Variants in NTRK3 observed in about 807,000 individuals in gnomAD.
The protein encoded by NTRK3 is neurotrophic receptor tyrosine kinase 3, also known as NT-3 growth factor receptor.
Under a neutral mutation model 91.7 loss-of-function variants are expected in NTRK3, and 24 were observed. The ratio of observed to expected loss-of-function variants is 0.26; its 90% CI spans 0.19 to 0.37. The LOEUF is 0.37. Among genes scored for constraint, NTRK3 ranks in the 10% least tolerant of loss-of-function variants. The probability of loss-of-function intolerance (pLI) is 1.00; values close to 1 mark genes in which losing one functional copy is unlikely to be tolerated. For synonymous variants in NTRK3, 483 were observed against 404.0 expected (o/e 1.20, Z -2.34); for missense variants, 880 against 1,068.9 (o/e 0.82, Z 2.46).
At chr15:88,188,348 T>G (rs2047116910) in intron 3 of NTRK3, among the ~76,000 whole-genome samples, 1 of 152,192 alleles carries the variant, frequency 6.6e-6, no homozygotes. Flanking sequence ...CCAGCAGACA[T>G]TTGACAATAT....
At chr15:88,245,781 A>G (rs1208581272) in intron 3 of NTRK3, among the ~76,000 whole-genome samples, 7 of 152,204 alleles carry the variant, frequency 4.6e-5, no homozygotes. Flanking sequence ...AAAACTGAGG[A>G]TCAACAAGGT....
chr15:88,187,714 A>T (rs2047056202), intron 3 of NTRK3, among the ~76,000 whole-genome samples: 1 of 152,096 alleles, frequency 6.6e-6, no homozygotes, highest in Non-Finnish European at 1.5e-5. Flanking sequence ...CGGGTGGATC[A>T]TTCATGGTCA....
chr15:88,104,043 A>C (rs994276185), intron 13 of NTRK3, among the ~76,000 whole-genome samples: 3 of 152,222 alleles, frequency 2.0e-5, no homozygotes, highest in African/African-American at 7.2e-5. Flanking sequence ...TCTTCCCCCA[A>C]ATAGCCAGGC....
At chr15:88,182,623 C>T (rs1221014593) in intron 5 of NTRK3, among the ~76,000 whole-genome samples, 1 of 152,202 alleles carries the variant, frequency 6.6e-6, no homozygotes, top group Non-Finnish European at 1.5e-5. Context: ...GGCCACTATC[C>T]TTGGAGTTGA....
At chr15:88,212,821 A>G (rs140829272) in intron 3 of NTRK3, among the ~76,000 whole-genome samples, 3 of 152,188 alleles carry the variant, frequency 2.0e-5, no homozygotes, top group Admixed American at 6.5e-5. Flanking sequence ...CAGAGCAAAA[A>G]TCCATCAGAC....
In NTRK3 at chr15:88,235,376, A is replaced by C. The variant is rs1441440059; in HGVS notation, c.248+20530T>G. On this transcript the variant is annotated intron_variant, in intron 3 of 18. Transcript: ENST00000394480. The surrounding 1 kb of genome is among the most constrained non-coding windows in gnomAD (Gnocchi z 5.2). ...ACGCAGTCAGTACCCTGCCGCAGAC[A>C]GTGGACACTCACTGGTCTCGGCCTT... Among the ~76,000 whole-genome samples, 1 of 152,202 alleles carries C rather than the reference A, an allele frequency of 6.6e-6. No homozygotes were observed. Among genetic ancestry groups the C allele is most frequent in the African/African-American group, 2.4e-5 (1 of 41,456 alleles).
At chr15:88,020,391 C>T (rs2077517936) in intron 14 of NTRK3, among the ~76,000 whole-genome samples, 1 of 152,150 alleles carries the variant, frequency 6.6e-6, no homozygotes, top group African/African-American at 2.4e-5. Context: ...ATCTTCATAG[C>T]TGTGGAGCCG....
At chr15:87,872,469 C>T (rs2064846438) in exon 19 of NTRK3, 1 of 227,226 alleles carries the variant, frequency 4.4e-6, no homozygotes, top group Admixed American at 5.7e-5. Flanking sequence ...TCGGTTTTGA[C>T]CCAGAGTTGA....
At chr15:87,892,113 C>CACACACACACACACAT (rs1555430907) in intron 17 of NTRK3, among the ~76,000 whole-genome samples, 11 of 151,180 alleles carry the variant, frequency 7.3e-5, no homozygotes, top group African/African-American at 2.7e-4. Context: ...CACACACACA[C>CACACACACACACACAT]GCACGCACAC....
chr15:88,053,825 C>G (rs1317951854), intron 13 of NTRK3, among the ~76,000 whole-genome samples: 1 of 152,164 alleles, frequency 6.6e-6, no homozygotes, highest in African/African-American at 2.4e-5. Context: ...AATACCTTAT[C>G]AAAATGAAAG....
At chr15:88,002,185 T>TG (rs2076155628) in intron 14 of NTRK3, among the ~76,000 whole-genome samples, 1 of 148,250 alleles carries the variant, frequency 6.7e-6, no homozygotes, top group African/African-American at 2.5e-5. Context: ...TTTTTTTTTT[T>TG]TTTTTTTTTT....
intron 13 of NTRK3, among the ~76,000 whole-genome samples, chr15:88,061,050 GT>G (rs2046169837): frequency 6.6e-6 from 1 of 150,936 alleles, no homozygotes; most frequent in Admixed American, 6.6e-5. Flanking sequence ...ATTTTTTCAG[GT>G]ACTTCATTGA....
chr15:88,000,969 T>G (rs927633440), intron 14 of NTRK3, among the ~76,000 whole-genome samples: 5 of 152,184 alleles, frequency 3.3e-5, no homozygotes, highest in African/African-American at 1.2e-4. Context: ...TTACCAACAT[T>G]AAGGTGTAAA....
chr15:88,176,745 T>C (rs1417501121), intron 5 of NTRK3, among the ~76,000 whole-genome samples: 1 of 152,188 alleles, frequency 6.6e-6, no homozygotes, highest in East Asian at 1.9e-4. Flanking sequence ...TTCTGAGTGC[T>C]GGAGATATAG....
intron 5 of NTRK3, among the ~76,000 whole-genome samples, chr15:88,155,078 A>G (rs2043762481): frequency 6.6e-6 from 1 of 152,206 alleles, no homozygotes; most frequent in Non-Finnish European, 1.5e-5. Context: ...TTCCAGGCAG[A>G]ATAATGGTAT....
chr15:88,229,607 T>C (rs930690341), intron 3 of NTRK3, among the ~76,000 whole-genome samples: 3 of 152,160 alleles, frequency 2.0e-5, no homozygotes, highest in Non-Finnish European at 4.4e-5. Flanking sequence ...AGTTAACTCT[T>C]GTCAGAGTTA....
chr15:87,979,179 G>A (rs1292323825), intron 14 of NTRK3: 1 of 676,090 alleles, frequency 1.5e-6, no homozygotes, highest in African/African-American at 1.8e-5. Flanking sequence ...GTGGATGGGG[G>A]AAAACACCCA....
At chr15:88,080,961 A>C (rs1451331350) in intron 13 of NTRK3, among the ~76,000 whole-genome samples, 1 of 152,274 alleles carries the variant, frequency 6.6e-6, no homozygotes, top group East Asian at 1.9e-4. Context: ...ACTACATGGC[A>C]GCTTAAGTCT....
intron 15 of NTRK3, 103 bp from the exon 16 acceptor site, chr15:87,933,287 T>C: frequency 9.2e-7 from 1 of 1,081,290 alleles, no homozygotes; most frequent in Non-Finnish European, 1.4e-6. Context: ...GGGTTACCAA[T>C]AAATATGAAT....
Sources: gnomAD v4.1 joint callset for allele counts (sites outside exome capture counted in the v4.1 genomes callset) on GRCh38, gnomAD v4.1.1 for gene constraint, Gnocchi (gnomAD v3.1) non-coding constraint, MANE v1.5 for transcripts, NCBI Gene and HGNC (gene_info 2026-07-23, HGNC 2026-07-21) for gene names.